Variants in TPRX1 observed in about 807,000 individuals in gnomAD.
TPRX1 encodes tetrapeptide repeat homeobox 1.
In TPRX1, 2 loss-of-function variants were observed where a neutral mutation model predicts 8.1. The observed-to-expected ratio is 0.25, with a 90% CI of 0.10 to 0.78. The LOEUF is 0.78. Ranked by LOEUF, TPRX1 falls within the 30% of genes least tolerant of loss-of-function variation. TPRX1 has a pLI of 0.70. For synonymous variants in TPRX1, 257 were observed against 254.1 expected, an observed-to-expected ratio of 1.01 and a Z score of -0.11; for missense variants, 517 against 586.9, an observed-to-expected ratio of 0.88 and a Z score of 1.23.
intron 2 of TPRX1, chr19:47,818,340 T>TCATC (rs368266036): frequency 0.099 from 22,622 of 227,836 alleles, 1,559 homozygotes; most frequent in African/African-American, 0.17. Flanking sequence ...CATCCATCCA[T>TCATC]CATCCATCCA....
At chr19:47,816,755 A>G (rs1967846771) in intron 2 of TPRX1, among the ~76,000 whole-genome samples, 1 of 150,180 alleles carries the variant, frequency 6.7e-6, no homozygotes, top group South Asian at 2.1e-4. Flanking sequence ...GATGGTCTCG[A>G]TCTCCTGACC....
At chr19:47,816,216 A>G (rs190054625) in intron 2 of TPRX1, among the ~76,000 whole-genome samples, 2 of 150,518 alleles carry the variant, frequency 1.3e-5, no homozygotes, top group Non-Finnish European at 3.0e-5. Flanking sequence ...TTATAGGCGC[A>G]CACCACCATA....
At chr19:47,814,297 T>C (rs1041356708) in intron 2 of TPRX1, among the ~76,000 whole-genome samples, 1 of 152,080 alleles carries the variant, frequency 6.6e-6, no homozygotes, top group Admixed American at 6.5e-5. Context: ...TTAAGTGATC[T>C]GTTCACCTCG....
intron 2 of TPRX1, among the ~76,000 whole-genome samples, chr19:47,809,740 C>T (rs1162671021): frequency 6.6e-6 from 1 of 152,162 alleles, no homozygotes; most frequent in Admixed American, 6.6e-5. Context: ...GAATGCCACC[C>T]TAGGACTCGT....
chr19:47,804,891 GC>G (rs1428334777), intron 2 of TPRX1, among the ~76,000 whole-genome samples: 1 of 152,188 alleles, frequency 6.6e-6, no homozygotes, highest in Non-Finnish European at 1.5e-5. Flanking sequence ...GGCACCGCCA[GC>G]CAGCCCCCAG....
chr19:47,816,618 C>T (rs1030854594), intron 2 of TPRX1, among the ~76,000 whole-genome samples: 2 of 147,738 alleles, frequency 1.4e-5, no homozygotes, highest in South Asian at 2.2e-4. Context: ...CTGCAAGCAA[C>T]GCCTCCCAGG....
chr19:47,813,335 A>G (rs1486320902), intron 2 of TPRX1, among the ~76,000 whole-genome samples: 1 of 151,842 alleles, frequency 6.6e-6, no homozygotes, highest in Non-Finnish European at 1.5e-5. Flanking sequence ...CTCAACAAAC[A>G]AACAACAAAC....
chr19:47,804,809 G>A (rs926704829), intron 2 of TPRX1, among the ~76,000 whole-genome samples: 3 of 152,236 alleles, frequency 2.0e-5, no homozygotes, highest in Non-Finnish European at 2.9e-5. Context: ...CCCAGGTGAG[G>A]TGGCATTCCA....
At chr19:47,808,402 A>G (rs1202305214) in intron 2 of TPRX1, among the ~76,000 whole-genome samples, 3 of 151,782 alleles carry the variant, frequency 2.0e-5, no homozygotes. Flanking sequence ...GGTGTGAGCC[A>G]CCATGCCTGG....
Position 47,818,373 on chromosome 19 carries a change from ATCACCCATCCATCCC to A in TPRX1, c.151+80_151+94del, listed in dbSNP as rs1438738732. The A allele has an allele frequency of 4.4e-5, 16 of 359,638 alleles. 1 individual carries two copies. Among genetic ancestry groups the A allele is most frequent in the African/African-American group, 1.9e-4 (6 of 31,424 alleles). The allele number at this position is 359,638 out of a possible 1,614,324, so 22.3% of individuals were successfully genotyped here. ...CCATCCATCCATCCATCCATCATCC[ATCACCCATCCATCCC>A]TCCATCCATCCATCCATCCATCCAT... On this transcript the variant is annotated intron_variant, in intron 2 of 3. Transcript: ENST00000535759.
chr19:47,802,792 G>A, exon 4 of TPRX1: 1 of 1,603,938 alleles, frequency 6.2e-7, no homozygotes. Context: ...AGGCCTGGTG[G>A]AGGCTGCAGA....
chr19:47,815,257 C>T (rs1279679293), intron 2 of TPRX1, among the ~76,000 whole-genome samples: 3 of 141,862 alleles, frequency 2.1e-5, no homozygotes, highest in African/African-American at 5.2e-5. Context: ...CGGGTTCAAG[C>T]GATTGTCCTG....
chr19:47,801,785 A>C (rs538616492), exon 4 of TPRX1: 2 of 1,612,054 alleles, frequency 1.2e-6, no homozygotes, highest in East Asian at 4.5e-5. Context: ...CTATAAATCC[A>C]GTAATAACCT....
At chr19:47,812,731 AG>A (rs1028047655) in intron 2 of TPRX1, among the ~76,000 whole-genome samples, 2 of 151,870 alleles carry the variant, frequency 1.3e-5, no homozygotes, top group Admixed American at 1.3e-4. Flanking sequence ...AATAAAGCAA[AG>A]GTTAAGTGAG....
intron 2 of TPRX1, among the ~76,000 whole-genome samples, chr19:47,817,490 G>T (rs538092838): frequency 6.6e-6 from 1 of 152,286 alleles, no homozygotes; most frequent in Non-Finnish European, 1.5e-5. Flanking sequence ...GCCCCACGGA[G>T]CTCAGAGGTC....
intron 2 of TPRX1, among the ~76,000 whole-genome samples, chr19:47,816,620 C>A (rs1967843949): frequency 6.6e-6 from 1 of 151,112 alleles, no homozygotes; most frequent in Non-Finnish European, 1.5e-5. Context: ...GCAAGCAACG[C>A]CTCCCAGGTT....
At chr19:47,802,526 G>A (rs201365245) in exon 4 of TPRX1, 8 of 1,549,118 alleles carry the variant, frequency 5.2e-6, no homozygotes, top group South Asian at 4.8e-5. Flanking sequence ...GCCTGGGATC[G>A]GGGCTGGGCC....
exon 4 of TPRX1, chr19:47,801,821 G>A (rs1278790070): frequency 6.2e-7 from 1 of 1,614,128 alleles, no homozygotes; most frequent in Non-Finnish European, 8.5e-7. Context: ...TTCATTCACA[G>A]AGCCACCCTC....
At chr19:47,818,309 T>C (rs1967865473) in intron 2 of TPRX1, among the ~76,000 whole-genome samples, 2 of 76,648 alleles carry the variant, frequency 2.6e-5, no homozygotes, top group African/African-American at 5.8e-5. Flanking sequence ...CACCCATCCA[T>C]CACCCATCCA....
Sources: gnomAD v4.1 joint callset for allele counts (sites outside exome capture counted in the v4.1 genomes callset) on GRCh38, gnomAD v4.1.1 for gene constraint, MANE v1.5 for transcripts, NCBI Gene and HGNC (gene_info 2026-07-23, HGNC 2026-07-21) for gene names.